The following MTMR3 variants were observed in gnomAD, a reference collection of about 807,000 sequenced individuals.
MTMR3 encodes the protein phosphatidylinositol-3,5-bisphosphate 3-phosphatase MTMR3.
MTMR3 carries 32 observed loss-of-function variants against 132.4 expected under a neutral mutation model. The ratio of observed to expected loss-of-function variants is 0.24; its 90% CI spans 0.18 to 0.32. The LOEUF is 0.32. MTMR3 is among the 10% of genes least tolerant of loss of function. The pLI, the probability that MTMR3 is intolerant of heterozygous loss-of-function variation, is 1.00. For missense variants in MTMR3, 1,216 were observed against 1,489.6 expected (o/e 0.82, Z 3.02); for synonymous variants, 556 against 550.3 (o/e 1.01, Z -0.14).
In MTMR3 at chr22:30,019,735, C is replaced by G; in HGVS notation, c.2076C>G (p.Ile692Met). ...TAGCTGAGGGGCAGATGGAGAACAT[C>G]TTGCAGGAGGCCACCAAAGAGGAGA... Reference protein sequence around the residue: ...AGVAEGQMENILQEATKEESG... With the variant: ...AGVAEGQMENMLQEATKEESG... Residue 692 changes from isoleucine to methionine, a missense_variant, in exon 17 of 20, where the codon ATC becomes ATG. Physicochemically the swap from Ile to Met is conservative, Grantham distance 10. Around this residue, in one of 7 missense-constraint regions of MTMR3, gnomAD observed 852 missense variants for 852.0 expected, o/e 1.00. Coordinates refer to ENST00000401950, the MANE Select transcript of MTMR3 (RefSeq NM_021090.4). The G allele has an allele frequency of 6.2e-7, 1 of 1,614,216 alleles. No homozygotes were observed. Among genetic ancestry groups the G allele is most frequent in the South Asian group, 1.1e-5 (1 of 91,088 alleles).
intron 1 of MTMR3, among the ~76,000 whole-genome samples, chr22:29,906,229 CATT>C (rs577400518): frequency 2.2e-3 from 339 of 151,912 alleles, no homozygotes; most frequent in African/African-American, 7.4e-3. Flanking sequence ...ATTTGTCTCA[CATT>C]TATCCATCCA....
chr22:29,971,194 CTCT>C, intron 3 of MTMR3, 132 bp downstream of exon 3: 1 of 899,800 alleles, frequency 1.1e-6, no homozygotes, highest in Non-Finnish European at 1.6e-6. Flanking sequence ...TTTCCCAGAT[CTCT>C]TGTGTCTTTT....
chr22:29,915,813 C>A (rs76862617), intron 1 of MTMR3, among the ~76,000 whole-genome samples: 1,630 of 152,084 alleles, frequency 0.011, 34 homozygotes, highest in African/African-American at 0.038. Flanking sequence ...ACCATTTTGC[C>A]ATTTGTTTTC....
At chr22:29,963,843 G>GAAA (rs398061878) in intron 2 of MTMR3, among the ~76,000 whole-genome samples, 3 of 143,894 alleles carry the variant, frequency 2.1e-5, no homozygotes, top group East Asian at 2.0e-4. Context: ...CCCTGTAGTG[G>GAAA]AAAAAAAAAA....
chr22:29,995,669 T>C (rs2067046504), intron 7 of MTMR3: 1 of 152,216 alleles, frequency 6.6e-6, no homozygotes, highest in Non-Finnish European at 1.5e-5. Context: ...AAAAACCTTA[T>C]AGCCCCAGTA....
chr22:30,002,740 C>T (rs2067201378), intron 8 of MTMR3, 140 bp from the exon 9 acceptor site: 2 of 601,698 alleles, frequency 3.3e-6, no homozygotes, highest in South Asian at 2.3e-5. Flanking sequence ...TCGAATAAAG[C>T]GCCTCATTGC....
intron 1 of MTMR3, among the ~76,000 whole-genome samples, chr22:29,917,448 G>T (rs983959228): frequency 8.5e-5 from 13 of 152,172 alleles, no homozygotes; most frequent in Non-Finnish European, 1.5e-4. Flanking sequence ...AAGGCCCAAG[G>T]CCAGCCTGGG....
chr22:29,936,099 A>C (rs1205036891), intron 1 of MTMR3, among the ~76,000 whole-genome samples: 1 of 152,086 alleles, frequency 6.6e-6, no homozygotes, highest in African/African-American at 2.4e-5. Context: ...AGACAAAACC[A>C]ACTATCCTTC....
intron 9 of MTMR3, chr22:30,005,810 C>G (rs1183517770): frequency 6.6e-6 from 1 of 152,124 alleles, no homozygotes; most frequent in Non-Finnish European, 1.5e-5. Flanking sequence ...ACCCAGCCAC[C>G]CTAGCCCTGA....
intron 1 of MTMR3, among the ~76,000 whole-genome samples, chr22:29,887,917 G>A (rs1474140298): frequency 1.3e-5 from 2 of 152,198 alleles, no homozygotes; most frequent in African/African-American, 2.4e-5. Context: ...GATAGCTGCA[G>A]ATATTCAGAA....
In MTMR3 at chr22:30,025,816, G is replaced by A. The variant is rs1465504603; in HGVS notation, c.*15G>A. ...CTTCCAACTGAAGCTCAGTGACCTG[G>A]GTGGGCAGTGGCCAAGCTGCTGTTC... On this transcript the variant is annotated 3_prime_UTR_variant, in exon 20 of 20. Coordinates refer to ENST00000401950, the MANE Select transcript of MTMR3 (RefSeq NM_021090.4). The A allele has an allele frequency of 6.2e-7, 1 of 1,613,324 alleles. No homozygotes were observed. The highest frequency in any genetic ancestry group is 1.7e-5 in the Admixed American group (1 of 60,016).
At chr22:29,965,561 T>C (rs2066398458) in intron 2 of MTMR3, among the ~76,000 whole-genome samples, 1 of 152,164 alleles carries the variant, frequency 6.6e-6, no homozygotes, top group Non-Finnish European at 1.5e-5. Flanking sequence ...GGCATATGCC[T>C]GTAATCCCAG....
chr22:29,991,488 T>A lies in MTMR3; in HGVS notation c.294-16T>A. On this transcript the variant is annotated splice_polypyrimidine_tract_variant and intron_variant, in intron 6 of 19. Coordinates refer to ENST00000401950, the MANE Select transcript of MTMR3 (RefSeq NM_021090.4). ...TGTCTTCTGATTACATCCATACTTG[T>A]TTGGCTTTACAAAAGGTGTCAGTTT... 3 of 1,600,770 alleles carry A rather than the reference T, an allele frequency of 1.9e-6. No individual in the cohort carries two copies. Among genetic ancestry groups the A allele is most frequent in the Non-Finnish European group, 2.6e-6 (3 of 1,174,750 alleles).
At chr22:30,008,604 G>A (rs2067329846) in intron 11 of MTMR3, 1 of 169,266 alleles carries the variant, frequency 5.9e-6, no homozygotes, top group East Asian at 1.7e-4. Flanking sequence ...TGTGGTCTAA[G>A]CTGGAAATTG....
chr22:29,883,568 A>G (rs1476705386), intron 1 of MTMR3, among the ~76,000 whole-genome samples: 4 of 150,100 alleles, frequency 2.7e-5, no homozygotes. Flanking sequence ...GGGAGTGGGA[A>G]TGGGAGCTCG....
Position 29,998,852 on chromosome 22 carries a change from G to A in MTMR3, c.552G>A (p.Lys184=). ...NAWRISNINE[K]YKLCGSYPQE... ...GGAGGATTTCCAACATCAATGAGAA[G>A]TACAAGTGAGTTATATGGGTCCCTG... The change falls in exon 8 of 20, where the codon AAG becomes AAA. Residue 184 remains lysine, a synonymous_variant. Transcript: ENST00000401950. The A allele has an allele frequency of 1.2e-6, 2 of 1,607,646 alleles. No homozygotes were observed. The highest frequency in any genetic ancestry group is 1.1e-5 in the South Asian group (1 of 90,278).
chr22:29,932,731 C>T (rs1255489060), intron 1 of MTMR3, among the ~76,000 whole-genome samples: 1 of 151,970 alleles, frequency 6.6e-6, no homozygotes, highest in African/African-American at 2.4e-5. Context: ...AATATTTATC[C>T]CTGTCATAGT....
chr22:29,986,576 A>G, intron 5 of MTMR3: 1 of 984,564 alleles, frequency 1.0e-6, no homozygotes, highest in Non-Finnish European at 1.2e-6. Flanking sequence ...TTCTCACAGC[A>G]CCTTGGGGTT....
At chr22:29,906,392 T>C (rs2065104402) in intron 1 of MTMR3, among the ~76,000 whole-genome samples, 1 of 152,016 alleles carries the variant, frequency 6.6e-6, no homozygotes, top group African/African-American at 2.4e-5. Context: ...AGTGCAGTGG[T>C]GCGATCTTGG....
Sources: allele counts gnomAD v4.1 joint callset (sites outside exome capture counted in the v4.1 genomes callset), GRCh38; gene constraint gnomAD v4.1.1; regional missense constraint gnomAD v4.1.1; transcripts MANE v1.5; gene names NCBI Gene and HGNC (gene_info 2026-07-23, HGNC 2026-07-21).